The following ATP1A3 variants were observed in gnomAD, a reference collection of about 807,000 sequenced individuals.
The protein encoded by ATP1A3 is ATPase Na+/K+ transporting subunit alpha 3, also known as sodium/potassium-transporting ATPase subunit alpha-3.
In ATP1A3, 12 loss-of-function variants were observed where a neutral mutation model predicts 108.8. That is an observed-to-expected ratio of 0.11 (90% CI 0.07 to 0.18). ATP1A3 has a LOEUF of 0.18. ATP1A3 is among the 10% of genes least tolerant of loss of function. The probability of loss-of-function intolerance (pLI) is 1.00; values close to 1 mark genes in which losing one functional copy is unlikely to be tolerated. For missense variants in ATP1A3, 498 were observed against 1,387.7 expected (o/e 0.36, Z 10.19); for synonymous variants, 539 against 564.5 (o/e 0.95, Z 0.64).
intron 1 of ATP1A3, chr19:41,993,647 G>C (rs2145994648): frequency 1.5e-6 from 1 of 669,846 alleles, no homozygotes; most frequent in Non-Finnish European, 2.5e-6. Flanking sequence ...AGGGAAGCAG[G>C]GGGGCCTCAA....
intron 16 of ATP1A3, among the ~76,000 whole-genome samples, chr19:41,974,224 C>CT (rs1437831788): frequency 2.0e-5 from 3 of 151,732 alleles, no homozygotes; most frequent in Non-Finnish European, 4.4e-5. Context: ...GAGCAAGACT[C>CT]TGTCTCAAAA....
In ATP1A3 at chr19:41,978,941, G is replaced by C. The variant is rs1555862419; in HGVS notation, c.1438-143C>G. 2.9e-6 allele frequency: 2 copies of C among 679,524 alleles called. No individual in the cohort carries two copies. Among genetic ancestry groups the C allele is most frequent in the African/African-American group, 3.6e-5 (2 of 55,506 alleles). The allele number at this position is 679,524 out of a possible 1,614,324, so 42.1% of individuals were successfully genotyped here. A position where few individuals can be genotyped will look rare whatever the true frequency, so the allele number is the denominator to read the frequency against. On this transcript the variant is annotated intron_variant, in intron 11 of 22. Transcript: ENST00000648268. The surrounding 1 kb of genome is among the most constrained non-coding windows in gnomAD (Gnocchi z 8.3). ...CCCACACTCTCTCACAGAGACCTCT[G>C]CTCATTCCTGTCCGCTCTGTCTATG...
At chr19:41,976,757 C>G (rs545633050) in intron 14 of ATP1A3, among the ~76,000 whole-genome samples, 191 bp from the exon 15 acceptor site, 1 of 152,070 alleles carries the variant, frequency 6.6e-6, no homozygotes, top group Admixed American at 6.6e-5. Context: ...GCGGGCAGAC[C>G]TGAGGAAGGA....
Position 41,981,528 on chromosome 19 carries a change from G to T in ATP1A3, c.1411C>A (p.Pro471Thr), listed in dbSNP as rs782436954. The T allele has an allele frequency of 2.5e-6, 4 of 1,614,196 alleles. No homozygotes were observed. The South Asian group carries it at 4.4e-5, about 18-fold the overall frequency. ...TGGTATTTGTTGGTGGAATTGAAGGGAATCTCAGCCACTTTCTTGTTGCGT... is the reference window on the plus strand; with the variant it reads ...TGGTATTTGTTGGTGGAATTGAAGGTAATCTCAGCCACTTTCTTGTTGCGT... The part of the protein sequence containing the change: ...RERNKKVAEI[P>T]FNSTNKYQLS... The change falls in exon 11 of 23, where the codon CCC becomes ACC. Residue 471 changes from proline (P) to threonine (T), a missense_variant. By Grantham distance (38) the Pro-to-Thr change is conservative. Transcript: ENST00000648268. This position sits in a 1 kb window ranked among gnomAD's most constrained non-coding sequence, Gnocchi z 5.0.
intron 1 of ATP1A3, 95 bp downstream of exon 1, chr19:41,993,976 G>T: frequency 6.4e-7 from 1 of 1,571,166 alleles, no homozygotes; most frequent in Non-Finnish European, 8.6e-7. Context: ...GCCCCGGAGC[G>T]CAGGGGTCCC....
chr19:41,994,122 C>T lies in ATP1A3; in HGVS notation c.-46G>A. The T allele has an allele frequency of 1.3e-6, 2 of 1,548,962 alleles. No homozygotes were observed. Among genetic ancestry groups the T allele is most frequent in the East Asian group, 2.5e-5 (1 of 40,534 alleles). On this transcript the variant is annotated 5_prime_UTR_variant, in exon 1 of 23. Transcript: ENST00000648268. ...AGAGCCAGGCGGGCGGGGCGGGGACCTCGGGGCGGGCTCAGGCTCAGGCTT... is the reference window on the plus strand; with the variant it reads ...AGAGCCAGGCGGGCGGGGCGGGGACTTCGGGGCGGGCTCAGGCTCAGGCTT...
chr19:41,983,399 A>G (rs558590423), intron 8 of ATP1A3, among the ~76,000 whole-genome samples: 2 of 151,922 alleles, frequency 1.3e-5, no homozygotes, highest in African/African-American at 4.8e-5. Flanking sequence ...AACTTCACAT[A>G]AAACATTAAG....
rs1422218348 is a variant in ATP1A3, at chr19:41,978,979, ATTTC to A, written c.1438-185_1438-182del. 6.6e-6 allele frequency among the ~76,000 whole-genome samples: 1 copy of A among 151,310 alleles called. No individual in the cohort carries two copies. The highest frequency in any genetic ancestry group is 1.5e-5 in the Non-Finnish European group (1 of 67,746). On this transcript the variant is annotated intron_variant, in intron 11 of 22. Transcript: ENST00000648268. This position sits in a 1 kb window ranked among gnomAD's most constrained non-coding sequence, Gnocchi z 8.3. ...CGCTCTGTCTATGTCATGGATATAT[ATTTC>A]TTTTTCTTTTTCTTTTTTTCTTTTT...
intron 8 of ATP1A3, 80 bp downstream of exon 8, chr19:41,984,838 G>A (rs1249458656): frequency 6.7e-7 from 1 of 1,493,140 alleles, no homozygotes; most frequent in Admixed American, 2.1e-5. Flanking sequence ...AGGGGTCCAG[G>A]ATCCCAGCCC....
Position 41,981,414 on chromosome 19 carries a change from C to T in ATP1A3, c.1437+88G>A, listed in dbSNP as rs80317102. 1.6e-4 allele frequency: 250 copies of T among 1,593,320 alleles called. 2 individuals are homozygous for T. In the African/African-American group the frequency reaches 2.6e-3, roughly 17 times the overall value. ...GGTATTATCATTCCCATTTTACAGA[C>T]GGGAAAATCAAGGCTCTATGACACC... is the stretch of plus-strand genomic sequence containing the variant. On this transcript the variant is annotated intron_variant, in intron 11 of 22. Transcript: ENST00000648268. The surrounding 1 kb of genome is among the most constrained non-coding windows in gnomAD (Gnocchi z 5.0).
chr19:41,970,179 C>A lies in ATP1A3; in HGVS notation c.2542+6G>T. The A allele has an allele frequency of 6.2e-7, 1 of 1,614,228 alleles. No individual in the cohort carries two copies. The highest frequency in any genetic ancestry group is 8.5e-7 in the Non-Finnish European group (1 of 1,180,034). On this transcript the variant is annotated splice_donor_region_variant and intron_variant, in intron 18 of 22. Transcript: ENST00000648268. ...TGGTAAGGAGATGGAGTCCCCGGTGCCTCACCAATCTGCCCGTAGGCCATG... is the reference window on the plus strand; with the variant it reads ...TGGTAAGGAGATGGAGTCCCCGGTGACTCACCAATCTGCCCGTAGGCCATG...
chr19:41,980,897 C>A (rs1442512564), intron 11 of ATP1A3, among the ~76,000 whole-genome samples: 2 of 150,018 alleles, frequency 1.3e-5, no homozygotes, highest in Non-Finnish European at 3.0e-5. Context: ...GGTGACAGAG[C>A]GAAACTCTGT....
chr19:41,989,096 C>T (rs563284490), intron 1 of ATP1A3, among the ~76,000 whole-genome samples: 10 of 152,114 alleles, frequency 6.6e-5, no homozygotes, highest in South Asian at 4.2e-4. Flanking sequence ...TGTGCCACCA[C>T]GCCCGGCTAA....
intron 1 of ATP1A3, chr19:41,993,189 A>C (rs1599730675): frequency 2.8e-4 from 42 of 148,970 alleles, no homozygotes; most frequent in South Asian, 1.3e-3. Flanking sequence ...CCCTCCCTTC[A>C]GCCCCGCCCC....
intron 8 of ATP1A3, chr19:41,984,526 A>G (rs944141514): frequency 2.4e-5 from 5 of 205,214 alleles, no homozygotes; most frequent in African/African-American, 1.2e-4. Context: ...ACCCAGCCTC[A>G]TTATTTTATT....
intron 1 of ATP1A3, chr19:41,993,649 G>GA: frequency 1.5e-6 from 1 of 662,550 alleles, no homozygotes; most frequent in South Asian, 2.0e-5. Flanking sequence ...GGAAGCAGGG[G>GA]GGCCTCAATA....
At chr19:41,979,632 C>T (rs1301918624) in intron 11 of ATP1A3, among the ~76,000 whole-genome samples, 3 of 152,090 alleles carry the variant, frequency 2.0e-5, no homozygotes, top group Admixed American at 1.3e-4. Context: ...TATGAAATGT[C>T]CAGAATAGGC....
intron 1 of ATP1A3, among the ~76,000 whole-genome samples, chr19:41,991,612 G>C (rs904770630): frequency 6.6e-6 from 1 of 152,182 alleles, no homozygotes; most frequent in African/African-American, 2.4e-5. Flanking sequence ...GGTCAGGAGA[G>C]AGAGAGGGAG....
intron 16 of ATP1A3, among the ~76,000 whole-genome samples, chr19:41,973,718 C>T (rs1468466396): frequency 2.0e-5 from 3 of 152,258 alleles, no homozygotes; most frequent in Admixed American, 2.0e-4. Flanking sequence ...AAGGCTGTCT[C>T]TCCAGCCCTG....
Sources: allele counts gnomAD v4.1 joint callset (sites outside exome capture counted in the v4.1 genomes callset), GRCh38; gene constraint gnomAD v4.1.1; non-coding constraint Gnocchi (gnomAD v3.1); transcripts MANE v1.5; gene names NCBI Gene and HGNC (gene_info 2026-07-23, HGNC 2026-07-21).